The following USH2A variants were observed in gnomAD, a reference collection of about 807,000 sequenced individuals.
USH2A encodes the protein Usher syndrome 2A (autosomal recessive, mild).
Under a neutral mutation model 538.9 loss-of-function variants are expected in USH2A, and 443 were observed. The ratio of observed to expected loss-of-function variants is 0.82; its 90% CI spans 0.76 to 0.89. The LOEUF is 0.89. Among genes scored for constraint, USH2A ranks in the 40% least tolerant of loss-of-function variants. The pLI, the probability that USH2A is intolerant of heterozygous loss-of-function variation, is 0.00. For missense variants in USH2A, 6,633 were observed against 6,324.8 expected (o/e 1.05, Z -1.65); for synonymous variants, 2,413 against 2,273.5 (o/e 1.06, Z -1.75).
At chr1:215,695,773 A>AG (rs1658787792) in intron 61 of USH2A, among the ~76,000 whole-genome samples, 1 of 151,924 alleles carries the variant, frequency 6.6e-6, no homozygotes, top group Non-Finnish European at 1.5e-5. Context: ...TTGTTTTTTG[A>AG]GACAGAGTCT....
chr1:216,225,019 T>A (rs767728754), intron 14 of USH2A, among the ~76,000 whole-genome samples: 15 of 152,146 alleles, frequency 9.9e-5, no homozygotes, highest in Non-Finnish European at 1.8e-4. Context: ...TGATTTTGAA[T>A]CTACTTTGTT....
At chr1:216,232,295 C>A (rs2035714439) in intron 13 of USH2A, among the ~76,000 whole-genome samples, 159 bp from the exon 14 acceptor site, 2 of 152,098 alleles carry the variant, frequency 1.3e-5, no homozygotes, top group Non-Finnish European at 2.9e-5. Flanking sequence ...CAATTATGAC[C>A]AAAGAAAAAC....
chr1:216,288,530 G>A (rs1240409331), intron 11 of USH2A, among the ~76,000 whole-genome samples: 2 of 152,038 alleles, frequency 1.3e-5, no homozygotes, highest in African/African-American at 4.8e-5. Context: ...TCTATAACTG[G>A]ATTGTGGTTT....
intron 60 of USH2A, among the ~76,000 whole-genome samples, chr1:215,736,015 A>G (rs1660145509): frequency 6.6e-6 from 1 of 152,178 alleles, no homozygotes; most frequent in African/African-American, 2.4e-5. Context: ...AAAATTAGGG[A>G]ACACAGTGAC....
intron 24 of USH2A, among the ~76,000 whole-genome samples, chr1:216,085,861 C>G (rs995445421): frequency 6.6e-6 from 1 of 151,974 alleles, no homozygotes; most frequent in Non-Finnish European, 1.5e-5. Context: ...CAACTATATC[C>G]TTCTCCTAAA....
intron 50 of USH2A, among the ~76,000 whole-genome samples, chr1:215,791,135 T>G (rs564782574): frequency 5.3e-4 from 80 of 152,320 alleles, no homozygotes; most frequent in African/African-American, 1.9e-3. Context: ...TGGCAGAAAT[T>G]TTAACATTAA....
chr1:216,418,935 T>C (rs996053737), intron 2 of USH2A, among the ~76,000 whole-genome samples: 1 of 152,136 alleles, frequency 6.6e-6, no homozygotes, highest in Non-Finnish European at 1.5e-5. Context: ...TAGAGATTCA[T>C]GATGGAAACT....
intron 32 of USH2A, among the ~76,000 whole-genome samples, chr1:216,017,616 A>C (rs1668746992): frequency 6.6e-6 from 1 of 152,340 alleles, no homozygotes; most frequent in South Asian, 2.1e-4. Context: ...AGACATAATA[A>C]GAATAATAAG....
chr1:215,837,378 G>A (rs773055925), intron 47 of USH2A, among the ~76,000 whole-genome samples: 4 of 152,012 alleles, frequency 2.6e-5, no homozygotes, highest in African/African-American at 4.8e-5. Context: ...TGATACAAAC[G>A]GATGAACAAT....
At chr1:215,657,549 T>C (rs2102650187) in intron 64 of USH2A, among the ~76,000 whole-genome samples, 2 of 152,356 alleles carry the variant, frequency 1.3e-5, no homozygotes, top group Middle Eastern at 6.8e-3. Flanking sequence ...TTCCAGCATC[T>C]CTATCTGCAT....
chr1:216,197,383 C>T (rs375286427), intron 18 of USH2A, among the ~76,000 whole-genome samples: 1 of 152,106 alleles, frequency 6.6e-6, no homozygotes, highest in Admixed American at 6.6e-5. Flanking sequence ...CATAAGATTA[C>T]GAGGGACCAG....
At chr1:215,739,986 C>T (rs559819542) in intron 60 of USH2A, among the ~76,000 whole-genome samples, 1 of 152,260 alleles carries the variant, frequency 6.6e-6, no homozygotes, top group South Asian at 2.1e-4. Context: ...CTGCTTTGTA[C>T]GCTAAAGGAA....
At chr1:216,158,387 C>T (rs1292166458) in intron 21 of USH2A, among the ~76,000 whole-genome samples, 1 of 151,984 alleles carries the variant, frequency 6.6e-6, no homozygotes, top group Non-Finnish European at 1.5e-5. Flanking sequence ...AGGTGCCTCA[C>T]CATGCCCAGC....
chr1:215,819,170 A>G (rs1351935471), intron 47 of USH2A, among the ~76,000 whole-genome samples: 1 of 151,856 alleles, frequency 6.6e-6, no homozygotes, highest in Non-Finnish European at 1.5e-5. Flanking sequence ...TTGTCCTTCT[A>G]TTTCAAAAGT....
In USH2A at chr1:215,674,130, T is replaced by C. The variant is rs149735061; in HGVS notation, c.13781A>G (p.Tyr4594Cys). The C allele has an allele frequency of 3.2e-5, 52 of 1,614,056 alleles. No individual in the cohort carries two copies. In the South Asian group the frequency reaches 5.4e-4, roughly 17 times the overall value. ...AAATGGCTTCAGCTGGTTTACTATA[T>C]ATGACTGCATACCAAAAGAATTATG... ...TTHNSFGMQS[Y>C]IVNQLKPFHR... Residue 4594 changes from tyrosine (Y) to cysteine (C), a missense_variant, in exon 63 of 72, where the codon TAT becomes TGT. Physicochemically the swap from Tyr to Cys is radical, Grantham distance 194. Transcript: ENST00000307340.
chr1:215,973,850 T>G (rs190054603), intron 35 of USH2A, among the ~76,000 whole-genome samples: 1 of 152,056 alleles, frequency 6.6e-6, no homozygotes, highest in Admixed American at 6.6e-5. Flanking sequence ...TTGTGACAGT[T>G]AATTCAACTG....
intron 36 of USH2A, among the ~76,000 whole-genome samples, chr1:215,967,495 G>T (rs1667378327): frequency 1.3e-5 from 2 of 152,042 alleles, no homozygotes; most frequent in Non-Finnish European, 2.9e-5. Context: ...TAAAACTCTT[G>T]CAATGCGCCA....
chr1:216,083,416 C>T (rs1274430944), intron 26 of USH2A, 40 bp downstream of exon 26: 1 of 1,597,486 alleles, frequency 6.3e-7, no homozygotes, highest in African/African-American at 1.3e-5. Context: ...AAGTTGGGTC[C>T]TATATTTTAA....
chr1:216,003,129 G>A (rs2102485382), intron 32 of USH2A, among the ~76,000 whole-genome samples: 1 of 152,212 alleles, frequency 6.6e-6, no homozygotes, highest in Admixed American at 6.5e-5. Context: ...GGGGCAGGGG[G>A]CGGTCAGGAT....
Sources: gnomAD v4.1 joint callset for allele counts (sites outside exome capture counted in the v4.1 genomes callset) on GRCh38, gnomAD v4.1.1 for gene constraint, MANE v1.5 for transcripts, NCBI Gene and HGNC (gene_info 2026-07-23, HGNC 2026-07-21) for gene names.